Variants in ARPC2 observed in about 807,000 individuals in gnomAD.
ARPC2 encodes the protein actin-related protein 2/3 complex subunit 2.
Under a neutral mutation model 38.6 loss-of-function variants are expected in ARPC2, and 4 were observed. The observed-to-expected ratio is 0.10, with a 90% CI of 0.05 to 0.24. The LOEUF (loss-of-function observed/expected upper bound fraction) is 0.24, where lower values mean the gene tolerates loss of function less well. Among genes scored for constraint, ARPC2 ranks in the 10% least tolerant of loss-of-function variants. ARPC2 has a pLI of 1.00. For missense variants in ARPC2, 229 were observed against 387.3 expected (o/e 0.59, Z 3.43); for synonymous variants, 125 against 140.8 (o/e 0.89, Z 0.79).
chr2:218,223,260 T>C lies in ARPC2; in HGVS notation c.75-2660T>C, dbSNP rs116410306. 2.4e-3 allele frequency among the ~76,000 whole-genome samples: 360 copies of C among 152,350 alleles called. 3 individuals are homozygous for C. The highest frequency in any genetic ancestry group is 8.1e-3 in the African/African-American group (337 of 41,578). On this transcript the variant is annotated intron_variant, in intron 2 of 10. Transcript: ENST00000315717. ...ATCTTGCGCTGTCCCGCCCAGGACA[T>C]GAATCATCTTTTTGTCTAGCATATC...
In ARPC2 at chr2:218,222,314, A is replaced by T. The variant is rs1007028893; in HGVS notation, c.75-3606A>T. On this transcript the variant is annotated intron_variant, in intron 2 of 10. Coordinates refer to ENST00000315717, the MANE Select transcript of ARPC2 (RefSeq NM_152862.3). The stretch of plus-strand genomic sequence containing the variant: ...AATTGGATCCTAGGGTGCATTCAGG[A>T]GTAAAAACCCCAAAGTTGTTAATGA... 2.0e-5 allele frequency among the ~76,000 whole-genome samples: 3 copies of T among 152,146 alleles called. No homozygotes were observed. The South Asian group carries it at 6.2e-4, about 32-fold the overall frequency.
intron 10 of ARPC2, among the ~76,000 whole-genome samples, chr2:218,253,448 G>A (rs560926869): frequency 8.5e-5 from 13 of 152,344 alleles, no homozygotes; most frequent in African/African-American, 2.9e-4. Context: ...CTCTGAACCA[G>A]CCACCTGCCT....
chr2:218,250,250 T>C (rs957417127), intron 10 of ARPC2, among the ~76,000 whole-genome samples: 1 of 152,204 alleles, frequency 6.6e-6, no homozygotes, highest in East Asian at 1.9e-4. Flanking sequence ...AGTAAGTTGC[T>C]TAGGGACCTT....
chr2:218,252,450 T>C (rs1690214654), intron 10 of ARPC2, among the ~76,000 whole-genome samples: 1 of 152,116 alleles, frequency 6.6e-6, no homozygotes, highest in African/African-American at 2.4e-5. Flanking sequence ...CATCCTGGTG[T>C]CTACATTTTC....
At chr2:218,217,316 C>T in intron 1 of ARPC2, 62 bp downstream of exon 1, 1 of 672,682 alleles carries the variant, frequency 1.5e-6, no homozygotes, top group East Asian at 2.8e-5. Flanking sequence ...TTCGTCTTAC[C>T]CTTCCCTCCA....
intron 9 of ARPC2, 103 bp downstream of exon 9, chr2:218,249,567 C>T: frequency 1.1e-6 from 1 of 942,848 alleles, no homozygotes. Flanking sequence ...TGGATATTGA[C>T]TCTTAGGTAA....
intron 4 of ARPC2, among the ~76,000 whole-genome samples, chr2:218,232,240 CA>C (rs61338930): frequency 1.4e-4 from 21 of 149,402 alleles, no homozygotes; most frequent in Admixed American, 2.7e-4. Context: ...GACTCCGTCT[CA>C]AAAAAAAAGA....
intron 1 of ARPC2, 62 bp from the exon 2 acceptor site, chr2:218,217,401 C>T: frequency 1.9e-6 from 3 of 1,538,528 alleles, no homozygotes; most frequent in East Asian, 4.5e-5. Context: ...GGGCCGCTCC[C>T]TCCGTCCTTG....
At chr2:218,232,711 A>G (rs1689667713) in intron 4 of ARPC2, among the ~76,000 whole-genome samples, 1 of 151,824 alleles carries the variant, frequency 6.6e-6, no homozygotes, top group African/African-American at 2.4e-5. Flanking sequence ...CTGGTACTAC[A>G]GGCGCCTGCC....
At chr2:218,238,542 T>C in intron 5 of ARPC2, 122 bp from the exon 6 acceptor site, 1 of 686,096 alleles carries the variant, frequency 1.5e-6, no homozygotes, top group South Asian at 2.7e-5. Flanking sequence ...AAAAAAGATT[T>C]TTTTAGTTGC....
At chr2:218,249,497 C>A in intron 9 of ARPC2, 33 bp downstream of exon 9, 1 of 1,492,196 alleles carries the variant, frequency 6.7e-7, no homozygotes, top group Non-Finnish European at 9.2e-7. Flanking sequence ...AGCCTCTATG[C>A]TCTGGGTCTT....
chr2:218,252,087 G>T (rs1170535506), intron 10 of ARPC2, among the ~76,000 whole-genome samples: 19 of 152,150 alleles, frequency 1.2e-4, no homozygotes, highest in Admixed American at 1.2e-3. Flanking sequence ...GCTAGGCATG[G>T]TAGTGCATGC....
chr2:218,250,421 T>C (rs1266571542), intron 10 of ARPC2, among the ~76,000 whole-genome samples: 2 of 152,066 alleles, frequency 1.3e-5, no homozygotes, highest in African/African-American at 2.4e-5. Context: ...CCCAGCACTT[T>C]GGGAGGCTGA....
chr2:218,253,466 G>C (rs777886800), intron 10 of ARPC2, among the ~76,000 whole-genome samples: 9 of 152,232 alleles, frequency 5.9e-5, no homozygotes, highest in Non-Finnish European at 1.2e-4. Flanking sequence ...CCTTCATGGT[G>C]AGAGATAAAG....
At chr2:218,246,971 A>T (rs770244705) in intron 8 of ARPC2, among the ~76,000 whole-genome samples, 4 of 151,366 alleles carry the variant, frequency 2.6e-5, no homozygotes, top group African/African-American at 4.9e-5. Flanking sequence ...GTCTCAAAAA[A>T]AAAGATAACT....
At chr2:218,231,420 G>C (rs961435005) in intron 4 of ARPC2, among the ~76,000 whole-genome samples, 1 of 152,152 alleles carries the variant, frequency 6.6e-6, no homozygotes, top group Non-Finnish European at 1.5e-5. Flanking sequence ...AAATCTTAGG[G>C]ACTTAGGGAT....
intron 2 of ARPC2, among the ~76,000 whole-genome samples, chr2:218,218,194 T>C (rs1361090157): frequency 6.6e-6 from 1 of 152,204 alleles, no homozygotes. Flanking sequence ...TCCACACCCC[T>C]TCCTTATCTC....
intron 5 of ARPC2, among the ~76,000 whole-genome samples, chr2:218,237,568 A>AT (rs889625706): frequency 6.9e-6 from 1 of 145,778 alleles, no homozygotes; most frequent in African/African-American, 2.5e-5. Flanking sequence ...AAGTCAGGCA[A>AT]TTTTTTTTGT....
chr2:218,229,587 A>T (rs1011533122), intron 4 of ARPC2, among the ~76,000 whole-genome samples: 1 of 152,270 alleles, frequency 6.6e-6, no homozygotes, highest in African/African-American at 2.4e-5. Context: ...TTAAATGAAG[A>T]TATAACCATA....
Sources: allele counts gnomAD v4.1 joint callset (sites outside exome capture counted in the v4.1 genomes callset), GRCh38; gene constraint gnomAD v4.1.1; transcripts MANE v1.5; gene names NCBI Gene and HGNC (gene_info 2026-07-23, HGNC 2026-07-21).